NALCN: variants seen among roughly 807,000 people sequenced by gnomAD.
NALCN encodes sodium leak channel NALCN.
NALCN carries 111 observed loss-of-function variants against 225.3 expected under a neutral mutation model. That is an observed-to-expected ratio of 0.49 (90% CI 0.42 to 0.58). The LOEUF is 0.58. Among genes scored for constraint, NALCN ranks in the 20% least tolerant of loss-of-function variants. The pLI is 0.00. For synonymous variants in NALCN, 764 were observed against 769.0 expected (o/e 0.99, Z 0.11); for missense variants, 1,378 against 2,202.4 (o/e 0.63, Z 7.49).
chr13:101,065,331 AC>A (rs1267388039), intron 40 of NALCN, 72 bp downstream of exon 40: 2 of 1,500,970 alleles, frequency 1.3e-6, no homozygotes, highest in African/African-American at 1.4e-5. Flanking sequence ...TGTTAATTGT[AC>A]TGCAGAGGCC....
chr13:101,273,745 C>T (rs777937025), intron 10 of NALCN, among the ~76,000 whole-genome samples: 2 of 151,840 alleles, frequency 1.3e-5, no homozygotes, highest in Admixed American at 6.6e-5. Context: ...ATTAGCCGGG[C>T]GTGGTGGCAG....
chr13:101,389,569 G>A lies in NALCN; in HGVS notation c.291+5614C>T, dbSNP rs543051617. ...CGATAATTGGGCCAGCAGTCCAGAG[G>A]CAGCAGAGCTCAGAACCTGACGGTC... On this transcript the variant is annotated intron_variant, in intron 3 of 43. Transcript: ENST00000251127. Among the ~76,000 whole-genome samples, 4 of 152,268 alleles carry A rather than the reference G, an allele frequency of 2.6e-5. No individual in the cohort carries two copies. The South Asian group carries it at 8.3e-4, about 32-fold the overall frequency.
chr13:101,289,450 A>G (rs2043465068), intron 9 of NALCN, among the ~76,000 whole-genome samples: 1 of 151,866 alleles, frequency 6.6e-6, no homozygotes, highest in Admixed American at 6.6e-5. Flanking sequence ...CTCCCTTGAA[A>G]TGGTCCCTGT....
Position 101,055,471 on chromosome 13 carries a change from G to A in NALCN, c.5041C>T (p.His1681Tyr), listed in dbSNP as rs994419871. 4 of 1,614,002 alleles carry A rather than the reference G, an allele frequency of 2.5e-6. No homozygotes were observed. In the African/African-American group the frequency reaches 4.0e-5, roughly 16 times the overall value. ...RLPSAPKPISHSVSSVNLRFG... is the reference protein window; with the variant it reads ...RLPSAPKPISYSVSSVNLRFG... ...CGTAAGTTGACTGAGGACACTGAATGGCTTATTGGTTTTGGGGCTGTGGAA... is the reference window on the plus strand; with the variant it reads ...CGTAAGTTGACTGAGGACACTGAATAGCTTATTGGTTTTGGGGCTGTGGAA... The change falls in exon 44 of 44, where the codon CAT becomes TAT. Residue 1681 changes from histidine (H) to tyrosine (Y), a missense_variant. By Grantham distance (83) the His-to-Tyr change is moderately conservative. This residue lies in a region of NALCN where 145 missense variants were observed against 169.6 expected (regional missense o/e 0.85). Coordinates refer to ENST00000251127, the MANE Select transcript of NALCN (RefSeq NM_052867.4).
intron 13 of NALCN, among the ~76,000 whole-genome samples, chr13:101,212,718 T>C (rs2140082364): frequency 6.6e-6 from 1 of 152,166 alleles, no homozygotes; most frequent in Non-Finnish European, 1.5e-5. Context: ...ATATCCTCAA[T>C]GCAAACAAAG....
intron 7 of NALCN, among the ~76,000 whole-genome samples, chr13:101,330,071 TATA>T (rs1430602457): frequency 6.7e-6 from 1 of 149,998 alleles, no homozygotes; most frequent in Non-Finnish European, 1.5e-5. Context: ...TATACATATA[TATA>T]ATGTTATTAG....
chr13:101,117,101 T>C (rs556738343), intron 18 of NALCN: 23 of 396,160 alleles, frequency 5.8e-5, no homozygotes, highest in East Asian at 7.5e-5. Flanking sequence ...GGCTCTTTCA[T>C]AGCAACTGCC....
chr13:101,273,190 C>T (rs928230168), intron 10 of NALCN, among the ~76,000 whole-genome samples: 1 of 152,164 alleles, frequency 6.6e-6, no homozygotes, highest in African/African-American at 2.4e-5. Flanking sequence ...GTCAAAGTGT[C>T]AAGAGATGAA....
chr13:101,127,738 G>A (rs972723714), intron 17 of NALCN, among the ~76,000 whole-genome samples: 2 of 152,128 alleles, frequency 1.3e-5, no homozygotes, highest in Admixed American at 1.3e-4. Context: ...ATATATATAT[G>A]ATATTACATT....
In NALCN at chr13:101,323,005, G is replaced by A. The variant is rs113280549; in HGVS notation, c.799+22261C>T. Among the ~76,000 whole-genome samples, 897 of 152,120 alleles carry A rather than the reference G, an allele frequency of 5.9e-3. 5 individuals are homozygous for A. Among genetic ancestry groups the A allele is most frequent in the African/African-American group, 0.02 (836 of 41,514 alleles). ...TGGGATTACAGGTGTGAGCCACTGC[G>A]CCTGGCCCTAAGCATCCATTTTTAA... On this transcript the variant is annotated intron_variant, in intron 7 of 43. Transcript: ENST00000251127.
At chr13:101,124,525 T>C in intron 18 of NALCN, 83 bp downstream of exon 18, 1 of 1,186,006 alleles carries the variant, frequency 8.4e-7, no homozygotes, top group African/African-American at 1.5e-5. Context: ...GCCCAGAACA[T>C]TAATTCATTT....
intron 15 of NALCN, among the ~76,000 whole-genome samples, chr13:101,166,424 G>A (rs1010892082): frequency 2.6e-5 from 4 of 151,418 alleles, no homozygotes. Context: ...TTTGATAGTG[G>A]CCATTCTAAT....
chr13:101,414,556 T>TAAA (rs59986447), intron 1 of NALCN, among the ~76,000 whole-genome samples: 4 of 151,688 alleles, frequency 2.6e-5, no homozygotes, highest in Non-Finnish European at 4.4e-5. Context: ...GCCGGAATGA[T>TAAA]AAAATCACCT....
intron 14 of NALCN, among the ~76,000 whole-genome samples, chr13:101,181,961 G>A (rs1443361218): frequency 2.0e-5 from 3 of 151,830 alleles, no homozygotes; most frequent in Non-Finnish European, 2.9e-5. Context: ...GTGAAACCCC[G>A]TTTCTACTAA....
intron 13 of NALCN, among the ~76,000 whole-genome samples, chr13:101,225,247 C>T (rs1003430841): frequency 3.3e-5 from 5 of 152,182 alleles, no homozygotes; most frequent in African/African-American, 9.7e-5. Flanking sequence ...TCCCTATCTC[C>T]GCCTGCATTA....
At chr13:101,058,385 G>A (rs1174034288) in intron 42 of NALCN, 3 of 210,904 alleles carry the variant, frequency 1.4e-5, no homozygotes, top group Non-Finnish European at 1.9e-5. Context: ...AAGGGGAACT[G>A]CAGGAAGGAA....
intron 10 of NALCN, among the ~76,000 whole-genome samples, chr13:101,274,257 A>G (rs1468473347): frequency 1.9e-5 from 2 of 107,430 alleles, no homozygotes; most frequent in Non-Finnish European, 3.7e-5. Context: ...CAATAGCAAA[A>G]CAATCAAGCT....
chr13:101,416,950 A>G (rs879566673), upstream of NALCN, among the ~76,000 whole-genome samples: 1 of 152,100 alleles, frequency 6.6e-6, no homozygotes, highest in Non-Finnish European at 1.5e-5. Flanking sequence ...GAAACCGTTC[A>G]CCTCAAGTTT....
At chr13:101,114,153 G>T (rs1428631371) in intron 18 of NALCN, among the ~76,000 whole-genome samples, 1 of 152,168 alleles carries the variant, frequency 6.6e-6, no homozygotes, top group African/African-American at 2.4e-5. Flanking sequence ...AGCTTTAAAA[G>T]CACACACTTC....
Sources: allele counts gnomAD v4.1 joint callset (sites outside exome capture counted in the v4.1 genomes callset), GRCh38; gene constraint gnomAD v4.1.1; regional missense constraint gnomAD v4.1.1; transcripts MANE v1.5; gene names NCBI Gene and HGNC (gene_info 2026-07-23, HGNC 2026-07-21).